Variants in NELL1 observed in about 807,000 individuals in gnomAD.
NELL1 encodes the protein neural EGFL like 1.
In NELL1, 76 loss-of-function variants were observed where a neutral mutation model predicts 107.4. The observed-to-expected ratio is 0.71, with a 90% CI of 0.59 to 0.86. The LOEUF (loss-of-function observed/expected upper bound fraction) is 0.86. Ranked by LOEUF, NELL1 falls within the 40% of genes least tolerant of loss-of-function variation. The probability of loss-of-function intolerance (pLI) is 0.00; values close to 1 mark genes in which losing one functional copy is unlikely to be tolerated. For synonymous variants in NELL1, 353 were observed against 341.2 expected, an observed-to-expected ratio of 1.03 and a Z score of -0.38; for missense variants, 1,024 against 1,005.5, an observed-to-expected ratio of 1.02 and a Z score of -0.25.
chr11:21,303,149 A>G (rs1849535353), intron 14 of NELL1, among the ~76,000 whole-genome samples: 1 of 151,942 alleles, frequency 6.6e-6, no homozygotes, highest in Non-Finnish European at 1.5e-5. Flanking sequence ...ACATACATAT[A>G]TAGATAGATA....
chr11:20,779,570 T>G (rs1384373283), intron 2 of NELL1, among the ~76,000 whole-genome samples: 3 of 152,322 alleles, frequency 2.0e-5, no homozygotes, highest in East Asian at 3.9e-4. Flanking sequence ...ATTAATTGGG[T>G]TTCATTGGTT....
chr11:21,440,362 A>T (rs1853249852), intron 15 of NELL1, among the ~76,000 whole-genome samples: 1 of 152,086 alleles, frequency 6.6e-6, no homozygotes, highest in Non-Finnish European at 1.5e-5. Flanking sequence ...GACTTACATC[A>T]TAGCAACCTA....
intron 12 of NELL1, among the ~76,000 whole-genome samples, chr11:20,994,485 A>G (rs747012277): frequency 6.6e-5 from 10 of 152,252 alleles, no homozygotes; most frequent in Admixed American, 5.9e-4. Context: ...GCTAAAAGCT[A>G]TACTTTGACA....
At chr11:21,195,949 C>T (rs571941798) in intron 13 of NELL1, among the ~76,000 whole-genome samples, 3 of 152,304 alleles carry the variant, frequency 2.0e-5, no homozygotes, top group Admixed American at 1.3e-4. Context: ...TTACCTCCCA[C>T]CTTGGATTTT....
At chr11:20,960,709 TCTC>T in intron 12 of NELL1, 149 bp downstream of exon 12, 2 of 922,828 alleles carry the variant, frequency 2.2e-6, no homozygotes, top group Non-Finnish European at 3.3e-6. Context: ...GGTTCTCTGT[TCTC>T]CTGGTTTATC....
At chr11:20,794,973 T>C (rs752981060) in intron 3 of NELL1, among the ~76,000 whole-genome samples, 9 of 152,234 alleles carry the variant, frequency 5.9e-5, no homozygotes, top group Non-Finnish European at 1.3e-4. Context: ...TCCAAAGCTG[T>C]CAACCAGAGA....
intron 14 of NELL1, among the ~76,000 whole-genome samples, chr11:21,332,211 A>G (rs1323126386): frequency 6.6e-6 from 1 of 151,898 alleles, no homozygotes; most frequent in Non-Finnish European, 1.5e-5. Flanking sequence ...TCTGTGTATT[A>G]TTCTAAGGAT....
At chr11:21,115,817 T>A (rs1590651380) in intron 13 of NELL1, among the ~76,000 whole-genome samples, 1 of 151,994 alleles carries the variant, frequency 6.6e-6, no homozygotes, top group East Asian at 1.9e-4. Context: ...ATACACTTAC[T>A]AATATACACA....
In NELL1 at chr11:20,928,476, C is replaced by G. The variant is rs758797597; in HGVS notation, c.994C>G (p.Arg332Gly). ...TGCTGGCCAGTGCTGTAAGGTCTGC[C>G]GACGTAAGTACTGACTGAGGGTCAG... ...HIAGQCCKVC[R>G]PKCIYGGKVL... The change falls in exon 9 of 20, where the codon CGA (arginine) becomes GGA (glycine). Residue 332 changes from arginine to glycine, a missense_variant. Arg to Gly is a moderately radical substitution (Grantham distance 125). Coordinates refer to ENST00000357134, the MANE Select transcript of NELL1 (RefSeq NM_006157.5). 2.5e-6 allele frequency: 4 copies of G among 1,612,398 alleles called. No homozygotes were observed. The highest frequency in any genetic ancestry group is 2.5e-6 in the Non-Finnish European group (3 of 1,178,554).
At chr11:21,168,736 T>G (rs937160997) in intron 13 of NELL1, among the ~76,000 whole-genome samples, 2 of 151,712 alleles carry the variant, frequency 1.3e-5, no homozygotes, top group Non-Finnish European at 2.9e-5. Context: ...AGCTCATAAG[T>G]TTTTTTTCCC....
chr11:21,370,638 C>T (rs944504280), intron 14 of NELL1, among the ~76,000 whole-genome samples: 2 of 152,040 alleles, frequency 1.3e-5, no homozygotes, highest in African/African-American at 4.8e-5. Context: ...CTATGCTAAA[C>T]ATTTTACATC....
chr11:20,865,955 T>A (rs10766731), intron 4 of NELL1, among the ~76,000 whole-genome samples: 98,486 of 152,040 alleles, frequency 0.65, 33,419 homozygotes, highest in Non-Finnish European at 0.76. Context: ...TTCCTAGCTG[T>A]GTGCTCTTGG....
chr11:21,366,848 C>A (rs1223501386), intron 14 of NELL1, among the ~76,000 whole-genome samples: 1 of 152,014 alleles, frequency 6.6e-6, no homozygotes, highest in African/African-American at 2.4e-5. Flanking sequence ...TCCCTAGGAA[C>A]TAAATATATG....
chr11:20,725,034 A>G (rs1590235963), intron 2 of NELL1, among the ~76,000 whole-genome samples: 1 of 152,208 alleles, frequency 6.6e-6, no homozygotes, highest in African/African-American at 2.4e-5. Context: ...ATCAGCTCTC[A>G]TAAGAACTCA....
At chr11:21,035,456 A>T (rs1853066026) in intron 12 of NELL1, among the ~76,000 whole-genome samples, 1 of 149,164 alleles carries the variant, frequency 6.7e-6, no homozygotes, top group Non-Finnish European at 1.5e-5. Flanking sequence ...CTTGATGAAC[A>T]TTGACGCAAA....
At chr11:20,676,678 A>G (rs1314054414) in intron 1 of NELL1, among the ~76,000 whole-genome samples, 1 of 152,140 alleles carries the variant, frequency 6.6e-6, no homozygotes, top group Non-Finnish European at 1.5e-5. Flanking sequence ...GAAAGAGTAG[A>G]TTTCCTTCTC....
chr11:21,337,837 T>TTTCCTTTCTTTC lies in NELL1; in HGVS notation c.1550-33014_1550-33013insCCTTTCTTTCTT, dbSNP rs71034505. ...CTTTCCTTCTTTCTTTCTTTCTTTC[T>TTTCCTTTCTTTC]TTTCTTTCTTTCTTTCTTTCTTTCT... On this transcript the variant is annotated intron_variant, in intron 14 of 19. Transcript: ENST00000357134. Among the ~76,000 whole-genome samples, 101 of 86,650 alleles carry TTTCCTTTCTTTC rather than the reference T, an allele frequency of 1.2e-3. 4 individuals carry two copies. Among genetic ancestry groups the TTTCCTTTCTTTC allele is most frequent in the African/African-American group, 4.4e-3 (93 of 21,240 alleles). The allele number at this position is 86,650 out of a possible 152,430, so 56.8% of individuals were successfully genotyped here.
At chr11:21,555,248 A>T (rs1856678154) in intron 16 of NELL1, among the ~76,000 whole-genome samples, 1 of 152,050 alleles carries the variant, frequency 6.6e-6, no homozygotes, top group African/African-American at 2.4e-5. Context: ...GCAATATTAT[A>T]TTCCAGAAGG....
intron 3 of NELL1, among the ~76,000 whole-genome samples, chr11:20,808,101 C>A (rs1441952528): frequency 6.6e-6 from 1 of 152,150 alleles, no homozygotes; most frequent in African/African-American, 2.4e-5. Flanking sequence ...CTTTCCTCTG[C>A]TTTTCTCAAG....
Sources: allele counts gnomAD v4.1 joint callset (sites outside exome capture counted in the v4.1 genomes callset), GRCh38; gene constraint gnomAD v4.1.1; transcripts MANE v1.5; gene names NCBI Gene and HGNC (gene_info 2026-07-23, HGNC 2026-07-21).